The following HEXA variants were observed in gnomAD, a reference collection of about 807,000 sequenced individuals.
HEXA encodes the protein beta-hexosaminidase subunit alpha.
Under a neutral mutation model 73.3 loss-of-function variants are expected in HEXA, and 54 were observed. That is an observed-to-expected ratio of 0.74 (90% CI 0.59 to 0.92). HEXA has a LOEUF of 0.92. Ranked by LOEUF, HEXA falls within the 40% of genes least tolerant of loss-of-function variation. The probability of loss-of-function intolerance (pLI) is 0.00; values close to 1 mark genes in which losing one functional copy is unlikely to be tolerated. For missense variants in HEXA, 649 were observed against 653.0 expected, an observed-to-expected ratio of 0.99 and a Z score of 0.07; for synonymous variants, 230 against 246.9, an observed-to-expected ratio of 0.93 and a Z score of 0.64.
rs1567299356 is a variant in HEXA, at chr15:72,353,122, C to T, written c.516G>A (p.Leu172=). ...EDFPRFPHRG[L]LLDTSRHYLP... ...GGTAATGGCGAGATGTATCCAACAG[C>T]AAGCCCCGGTGAGGAAAGCGGGGAA... Residue 172 remains leucine (L), a synonymous_variant, in exon 5 of 14, where the codon TTG becomes TTA. Coordinates refer to ENST00000268097, the MANE Select transcript of HEXA (RefSeq NM_000520.6). 6.2e-7 allele frequency: 1 copy of T among 1,613,862 alleles called. No homozygotes were observed. The highest frequency in any genetic ancestry group is 8.5e-7 in the Non-Finnish European group (1 of 1,179,774).
chr15:72,347,748 T>C lies in HEXA; in HGVS notation c.1084A>G (p.Ile362Val), dbSNP rs771447407. The change falls in exon 10 of 14, where the codon ATC becomes GTC. Residue 362 changes from isoleucine to valine, a missense_variant. Physicochemically the swap from Ile to Val is conservative, Grantham distance 29 (BLOSUM62 3). Coordinates refer to ENST00000268097, the MANE Select transcript of HEXA (RefSeq NM_000520.6). ...ESFYIQTLLD[I>V]VSSYGKGYVV... is the part of the protein sequence containing the mutation. Reference sequence around the variant, plus strand: ...TAGCCCTTGCCATAAGAAGAGACGATGTCCAGCAGCCTGGAGAGGAGAGGA... The same window carrying C: ...TAGCCCTTGCCATAAGAAGAGACGACGTCCAGCAGCCTGGAGAGGAGAGGA... 22 of 1,614,186 alleles carry C rather than the reference T, an allele frequency of 1.4e-5. No individual in the cohort carries two copies. In the East Asian group the frequency reaches 4.2e-4, roughly 31 times the overall value.
At chr15:72,351,803 G>A in intron 5 of HEXA, 1 of 143,908 alleles carries the variant, frequency 6.9e-6, no homozygotes, top group Non-Finnish European at 1.5e-5. Context: ...AACTTCCCCA[G>A]GAAAGGCTTT....
At chr15:72,370,378 T>C (rs2088973457) in intron 1 of HEXA, 1 of 364,626 alleles carries the variant, frequency 2.7e-6, no homozygotes. Context: ...CTCAGTACTA[T>C]ACAGGGATAC....
chr15:72,371,042 G>A (rs568308503), intron 1 of HEXA, among the ~76,000 whole-genome samples: 3 of 152,228 alleles, frequency 2.0e-5, no homozygotes, highest in South Asian at 2.1e-4. Flanking sequence ...TGTCTTTGCC[G>A]TGGGAAAGGT....
intron 5 of HEXA, chr15:72,351,629 C>A (rs139615426): frequency 6.1e-5 from 19 of 309,348 alleles, no homozygotes; most frequent in African/African-American, 3.6e-4. Context: ...AACTGTGAGA[C>A]CTCCTGGGAA....
intron 2 of HEXA, among the ~76,000 whole-genome samples, chr15:72,356,141 C>G (rs1256726835): frequency 6.6e-6 from 1 of 152,194 alleles, no homozygotes; most frequent in African/African-American, 2.4e-5. Flanking sequence ...TCAGGGAAGA[C>G]AGGAGGCAGT....
Position 72,344,065 on chromosome 15 carries a change from G to A in HEXA, c.*12C>T, listed in dbSNP as rs532797279. ...TTCACCTACAGCCAGCACCCTCCTCGGTGCCTGGGGCTCAGGTCTGTTCAA... is the reference window on the plus strand; with the variant it reads ...TTCACCTACAGCCAGCACCCTCCTCAGTGCCTGGGGCTCAGGTCTGTTCAA... On this transcript the variant is annotated 3_prime_UTR_variant, in exon 14 of 14. Coordinates refer to ENST00000268097, the MANE Select transcript of HEXA (RefSeq NM_000520.6). The A allele has an allele frequency of 4.3e-6, 7 of 1,612,012 alleles. No homozygotes were observed. Among genetic ancestry groups the A allele is most frequent in the East Asian group, 4.5e-5 (2 of 44,852 alleles).
chr15:72,345,648 T>G (rs1303952607), intron 12 of HEXA, 98 bp from the exon 13 acceptor site: 1 of 1,556,538 alleles, frequency 6.4e-7, no homozygotes, highest in Non-Finnish European at 8.7e-7. Context: ...CACCCTGGAC[T>G]CACTCAGGCC....
intron 11 of HEXA, 98 bp downstream of exon 11, chr15:72,346,429 T>C: frequency 6.6e-7 from 1 of 1,515,036 alleles, no homozygotes; most frequent in Non-Finnish European, 9.2e-7. Flanking sequence ...AGTTGTTTCA[T>C]TTACTAACTG....
chr15:72,345,569 G>T lies in HEXA; in HGVS notation c.1422-19C>A. Reference sequence around the variant, plus strand: ...TCTGGGCCTGGAGGAAAAGGGGCATGTGCCAGATTGGGCCCTGTATTCCCT... The same window carrying T: ...TCTGGGCCTGGAGGAAAAGGGGCATTTGCCAGATTGGGCCCTGTATTCCCT... On this transcript the variant is annotated intron_variant, in intron 12 of 13. Coordinates refer to ENST00000268097, the MANE Select transcript of HEXA (RefSeq NM_000520.6). 1 of 1,613,804 alleles carries T rather than the reference G, an allele frequency of 6.2e-7. No homozygotes were observed. Among genetic ancestry groups the T allele is most frequent in the South Asian group, 1.1e-5 (1 of 90,998 alleles).
At chr15:72,371,010 C>A (rs1299306036) in intron 1 of HEXA, among the ~76,000 whole-genome samples, 1 of 152,182 alleles carries the variant, frequency 6.6e-6, no homozygotes, top group Non-Finnish European at 1.5e-5. Flanking sequence ...TAGTGGCAAT[C>A]ATCTTTGGCA....
intron 2 of HEXA, among the ~76,000 whole-genome samples, chr15:72,356,284 T>G (rs76272447): frequency 6.6e-6 from 1 of 152,172 alleles, no homozygotes; most frequent in Non-Finnish European, 1.5e-5. Flanking sequence ...GTACACCAGG[T>G]AGAAGTCCTG....
intron 1 of HEXA, among the ~76,000 whole-genome samples, chr15:72,374,494 T>A (rs890311879): frequency 2.2e-4 from 33 of 152,196 alleles, no homozygotes; most frequent in Admixed American, 6.5e-5. Flanking sequence ...ATTCTATATA[T>A]CAAATGATAA....
At chr15:72,364,365 T>C (rs2088890024) in intron 1 of HEXA, among the ~76,000 whole-genome samples, 1 of 152,188 alleles carries the variant, frequency 6.6e-6, no homozygotes, top group African/African-American at 2.4e-5. Flanking sequence ...AAATGAGCTG[T>C]AGATCTGTTA....
chr15:72,369,378 C>T (rs1257819463), intron 1 of HEXA, among the ~76,000 whole-genome samples: 1 of 152,330 alleles, frequency 6.6e-6, no homozygotes, highest in East Asian at 1.9e-4. Flanking sequence ...CTTCAGCTGA[C>T]TTTGTTGTCA....
rs767677756 is a variant in HEXA at position 72,353,692 on chromosome 15, G to A, written c.458C>T (p.Thr153Ile). ...SQLVWKSAEG[T>I]FFINKTEIED... ...CCCTTTTTGAGGGTCCACACTTACT[G>A]TGCCCTCAGCAGATTTCCAAACAAG... is the stretch of plus-strand genomic sequence containing the variant. The change falls in exon 4 of 14, where the codon ACA becomes ATA. Residue 153 changes from threonine (T) to isoleucine (I), a missense_variant and splice_region_variant. Thr to Ile is a moderately conservative substitution (Grantham distance 89). Transcript: ENST00000268097. 1.9e-6 allele frequency: 3 copies of A among 1,611,082 alleles called. No homozygotes were observed. Among genetic ancestry groups the A allele is most frequent in the Non-Finnish European group, 2.5e-6 (3 of 1,177,192 alleles).
intron 10 of HEXA, 140 bp downstream of exon 10, chr15:72,347,544 TTC>T: frequency 1.3e-6 from 1 of 751,092 alleles, no homozygotes; most frequent in Non-Finnish European, 2.4e-6. Flanking sequence ...TCTGTGGCCT[TTC>T]TAGAGAGAAA....
intron 8 of HEXA, 112 bp downstream of exon 8, chr15:72,348,967 C>T (rs1311918227): frequency 3.5e-6 from 3 of 861,268 alleles, no homozygotes; most frequent in African/African-American, 3.3e-5. Context: ...GCAATGTGAG[C>T]CCATACAGAC....
intron 1 of HEXA, chr15:72,362,418 C>T (rs1370849922): frequency 8.8e-6 from 4 of 455,668 alleles, no homozygotes; most frequent in Admixed American, 7.1e-5. Flanking sequence ...ATCTCAGTGT[C>T]TTTGTATTCC....
Sources: gnomAD v4.1 joint callset for allele counts (sites outside exome capture counted in the v4.1 genomes callset) on GRCh38, gnomAD v4.1.1 for gene constraint, MANE v1.5 for transcripts, NCBI Gene and HGNC (gene_info 2026-07-23, HGNC 2026-07-21) for gene names.